TSPAN5: variants seen among roughly 807,000 people sequenced by gnomAD.
TSPAN5 encodes the protein tetraspanin 5.
Under a neutral mutation model 37.1 loss-of-function variants are expected in TSPAN5, and 10 were observed. The observed-to-expected ratio is 0.27, with a 90% CI of 0.17 to 0.46. The LOEUF (loss-of-function observed/expected upper bound fraction) is 0.46. Among genes scored for constraint, TSPAN5 ranks in the 20% least tolerant of loss-of-function variants. The pLI, the probability that TSPAN5 is intolerant of heterozygous loss-of-function variation, is 1.00. For synonymous variants in TSPAN5, 110 were observed against 118.9 expected (o/e 0.93, Z 0.48); for missense variants, 195 against 326.6 (o/e 0.60, Z 3.11).
chr4:98,514,140 T>A (rs935370754), intron 1 of TSPAN5, among the ~76,000 whole-genome samples: 1 of 152,166 alleles, frequency 6.6e-6, no homozygotes. Context: ...AAACCCAACA[T>A]TCTGATGAAG....
intron 2 of TSPAN5, among the ~76,000 whole-genome samples, chr4:98,497,465 C>T (rs1753239707): frequency 2.0e-5 from 3 of 152,184 alleles, no homozygotes; most frequent in Non-Finnish European, 4.4e-5. Context: ...ACTTCCCAGC[C>T]TGGCGAACTG....
chr4:98,614,563 C>T (rs1756275055), intron 1 of TSPAN5, among the ~76,000 whole-genome samples: 1 of 152,160 alleles, frequency 6.6e-6, no homozygotes, highest in South Asian at 2.1e-4. Context: ...TTGAGCCACT[C>T]TTGTTTTTTA....
intron 1 of TSPAN5, among the ~76,000 whole-genome samples, chr4:98,625,395 T>C (rs1025973886): frequency 6.6e-6 from 1 of 152,238 alleles, no homozygotes; most frequent in Non-Finnish European, 1.5e-5. Context: ...TGGAGCCACT[T>C]TGGTTCCAAA....
chr4:98,577,576 T>C (rs1344553460), intron 1 of TSPAN5, among the ~76,000 whole-genome samples: 2 of 152,218 alleles, frequency 1.3e-5, no homozygotes, highest in African/African-American at 4.8e-5. Context: ...CTGTACTGTA[T>C]CAATTTTTGC....
intron 1 of TSPAN5, among the ~76,000 whole-genome samples, chr4:98,575,346 T>A (rs1450715465): frequency 1.3e-5 from 2 of 151,638 alleles, no homozygotes; most frequent in South Asian, 4.2e-4. Context: ...AGTATATCTC[T>A]AACAGGCTGG....
At chr4:98,557,667 G>C (rs1249287651) in intron 1 of TSPAN5, among the ~76,000 whole-genome samples, 3 of 152,178 alleles carry the variant, frequency 2.0e-5, no homozygotes, top group African/African-American at 7.2e-5. Context: ...CCTTCCAAAG[G>C]AGGTGGGCCG....
chr4:98,633,884 A>T (rs181756766), intron 1 of TSPAN5, among the ~76,000 whole-genome samples: 5 of 152,256 alleles, frequency 3.3e-5, no homozygotes, highest in African/African-American at 1.2e-4. Flanking sequence ...GTTCAAGACC[A>T]GCCTGACCAA....
At chr4:98,598,756 C>G (rs1299468732) in intron 1 of TSPAN5, among the ~76,000 whole-genome samples, 1 of 152,202 alleles carries the variant, frequency 6.6e-6, no homozygotes, top group Non-Finnish European at 1.5e-5. Flanking sequence ...GCATGAGCCA[C>G]CGTGCCTGGC....
chr4:98,608,550 C>A (rs141634828), intron 1 of TSPAN5, among the ~76,000 whole-genome samples: 1 of 152,280 alleles, frequency 6.6e-6, no homozygotes, highest in African/African-American at 2.4e-5. Flanking sequence ...AATCCCAACC[C>A]TGGCAGGTGG....
chr4:98,650,420 G>T (rs1757159734), intron 1 of TSPAN5, among the ~76,000 whole-genome samples: 1 of 152,172 alleles, frequency 6.6e-6, no homozygotes, highest in African/African-American at 2.4e-5. Context: ...GGCAGCCCCA[G>T]GAGGAAAGGT....
intron 2 of TSPAN5, among the ~76,000 whole-genome samples, chr4:98,487,417 G>C (rs761057012): frequency 2.6e-5 from 4 of 152,288 alleles, no homozygotes; most frequent in Admixed American, 2.0e-4. Flanking sequence ...CCCCAGAGAG[G>C]GGGGAGGTCA....
chr4:98,531,973 G>A (rs1425802134), intron 1 of TSPAN5, among the ~76,000 whole-genome samples: 2 of 152,082 alleles, frequency 1.3e-5, no homozygotes, highest in African/African-American at 4.8e-5. Flanking sequence ...TTGTCAGATG[G>A]ACAGATTGCA....
At chr4:98,473,152 T>C (rs1752622650) in intron 7 of TSPAN5, among the ~76,000 whole-genome samples, 1 of 152,218 alleles carries the variant, frequency 6.6e-6, no homozygotes, top group African/African-American at 2.4e-5. Context: ...AGCATACAAG[T>C]TTTTGGGTAA....
intron 1 of TSPAN5, among the ~76,000 whole-genome samples, chr4:98,629,333 A>G (rs1276418313): frequency 6.6e-6 from 1 of 152,186 alleles, no homozygotes; most frequent in African/African-American, 2.4e-5. Context: ...TCATCAGAAT[A>G]ATGTGAAAAA....
chr4:98,565,494 G>C (rs889949043), intron 1 of TSPAN5, among the ~76,000 whole-genome samples: 1 of 152,224 alleles, frequency 6.6e-6, no homozygotes, highest in East Asian at 1.9e-4. Flanking sequence ...GATTGACAAT[G>C]TTTTCCCATA....
chr4:98,511,488 G>A (rs550306800), intron 1 of TSPAN5, among the ~76,000 whole-genome samples: 6 of 152,186 alleles, frequency 3.9e-5, no homozygotes, highest in East Asian at 1.9e-4. Context: ...GCATCCAAAC[G>A]TATCTAAACA....
At chr4:98,592,366 G>A (rs1017057854) in intron 1 of TSPAN5, among the ~76,000 whole-genome samples, 5 of 149,916 alleles carry the variant, frequency 3.3e-5, no homozygotes, top group African/African-American at 9.9e-5. Flanking sequence ...AAAAAACCAG[G>A]AGATTCACAG....
chr4:98,623,855 GT>G (rs1756533908), intron 1 of TSPAN5, among the ~76,000 whole-genome samples: 2 of 152,056 alleles, frequency 1.3e-5, no homozygotes, highest in South Asian at 4.2e-4. Flanking sequence ...ACAATTCCAT[GT>G]TTCCTCTGTA....
At chr4:98,632,157 C>G (rs548007164) in intron 1 of TSPAN5, among the ~76,000 whole-genome samples, 2 of 152,162 alleles carry the variant, frequency 1.3e-5, no homozygotes, top group Non-Finnish European at 2.9e-5. Flanking sequence ...CCTCTGCCAC[C>G]CTGTGTTCAT....
Sources: allele counts gnomAD v4.1 joint callset (sites outside exome capture counted in the v4.1 genomes callset), GRCh38; gene constraint gnomAD v4.1.1; transcripts MANE v1.5; gene names NCBI Gene and HGNC (gene_info 2026-07-23, HGNC 2026-07-21).